SAR1A: variants seen among roughly 807,000 people sequenced by gnomAD.
The protein encoded by SAR1A is small COPII coat GTPase SAR1A.
A neutral mutation model predicts 22.6 loss-of-function variants in SAR1A; 6 were observed. The ratio of observed to expected loss-of-function variants is 0.27; its 90% confidence interval spans 0.15 to 0.52. The LOEUF is 0.52. Among genes scored for constraint, SAR1A ranks in the 20% least tolerant of loss-of-function variants. SAR1A has a pLI of 0.96. For synonymous variants in SAR1A, 70 were observed against 82.2 expected (o/e 0.85, Z 0.80); for missense variants, 145 against 245.1 (o/e 0.59, Z 2.73).
chr10:70,165,037 G>A (rs550356165), intron 1 of SAR1A, among the ~76,000 whole-genome samples: 2 of 152,072 alleles, frequency 1.3e-5, no homozygotes, highest in East Asian at 1.9e-4. Context: ...AGGCCGAGGC[G>A]GGCGGATCAC....
In SAR1A at chr10:70,148,201, C is replaced by T. The variant is rs1442107172; in HGVS notation, c.*4275G>A. 2.0e-5 allele frequency: 3 copies of T among 152,250 alleles called. No homozygotes were observed. The highest frequency in any genetic ancestry group is 7.2e-5 in the African/African-American group (3 of 41,456). The allele number at this position is 152,250 out of a possible 1,614,324, so 9.4% of individuals were successfully genotyped here. ...CCATCATTAATTTTTATTAAGGTTA[C>T]TGTATTGCTTACCATATACAATTGC... On this transcript the variant is annotated 3_prime_UTR_variant, in exon 7 of 7. Transcript: ENST00000373241.
At position 70,147,660 on chromosome 10, in the gene SAR1A, T is replaced by G. The variant is rs1423239198; in HGVS notation, c.*4816A>C. The G allele has an allele frequency of 1.3e-5, 2 of 152,214 alleles. No individual in the cohort carries two copies. The highest frequency in any genetic ancestry group is 2.4e-5 in the African/African-American group (1 of 41,452). 9.4% of individuals were successfully genotyped at this position (152,214 alleles called of 1,614,324 possible). On this transcript the variant is annotated 3_prime_UTR_variant, in exon 7 of 7. Coordinates refer to ENST00000373241, the MANE Select transcript of SAR1A (RefSeq NM_020150.5). ...TACAAACACAGGCAGCAGGCCCGAT[T>G]TGACCCACAAGGCATAGTTTACCAT...
At chr10:70,165,996 C>T (rs1008561439) in intron 1 of SAR1A, among the ~76,000 whole-genome samples, 1 of 152,206 alleles carries the variant, frequency 6.6e-6, no homozygotes. Context: ...AGGTAAGATC[C>T]CCAACCAGCA....
chr10:70,161,548 T>C (rs866664076), intron 3 of SAR1A, 71 bp downstream of exon 3: 31 of 1,561,342 alleles, frequency 2.0e-5, no homozygotes, highest in African/African-American at 6.9e-5. Flanking sequence ...CTCCACCAAC[T>C]AGGGATTCAT....
At chr10:70,161,386 T>C in intron 3 of SAR1A, 1 of 563,654 alleles carries the variant, frequency 1.8e-6, no homozygotes, top group South Asian at 2.4e-5. Context: ...TTCTTAGAAG[T>C]AGGTATAGGA....
At chr10:70,170,316 C>G (rs561338281) in intron 1 of SAR1A, 97 bp downstream of exon 1, 1 of 135,982 alleles carries the variant, frequency 7.4e-6, no homozygotes, top group Non-Finnish European at 1.6e-5. Flanking sequence ...CCCCCCCACC[C>G]AACCCCGCCA....
chr10:70,161,421 G>A (rs1048576830), intron 3 of SAR1A, 198 bp downstream of exon 3: 9 of 625,992 alleles, frequency 1.4e-5, no homozygotes, highest in African/African-American at 1.3e-4. Flanking sequence ...CAGGACCAGT[G>A]ACAACAGATA....
intron 5 of SAR1A, chr10:70,155,240 T>C (rs1001265575): frequency 2.2e-5 from 9 of 409,130 alleles, no homozygotes; most frequent in Admixed American, 8.7e-5. Flanking sequence ...TAGCTTAAGG[T>C]AGAGCATTCA....
chr10:70,161,068 T>C lies in SAR1A; in HGVS notation c.180A>G (p.Thr60=). Residue 60 remains threonine (T), a splice_region_variant and synonymous_variant, in exon 4 of 7, where the codon ACA becomes ACG. Coordinates refer to ENST00000373241, the MANE Select transcript of SAR1A (RefSeq NM_020150.5). ...LGQHVPTLHP[T]SEELTIAGMT... ...TTCCAGCAATTGTTAGCTCTTCTGA[T>C]GCTGAAAAATTGTTTAAAAAGAAGA... 1 of 1,611,206 alleles carries C rather than the reference T, an allele frequency of 6.2e-7. No homozygotes were observed. The highest frequency in any genetic ancestry group is 8.5e-7 in the Non-Finnish European group (1 of 1,178,630).
Position 70,152,440 on chromosome 10 carries a change from G to C in SAR1A, c.*36C>G, listed in dbSNP as rs754397713. On this transcript the variant is annotated 3_prime_UTR_variant, in exon 7 of 7. Transcript: ENST00000373241. ...GGAAGCTGTGAATAGGATCAGTCCAGAGAAGTAAAACTCTTTTATTTTCAC... is the reference window on the plus strand; with the variant it reads ...GGAAGCTGTGAATAGGATCAGTCCACAGAAGTAAAACTCTTTTATTTTCAC... The C allele has an allele frequency of 1.4e-6, 2 of 1,455,888 alleles. No individual in the cohort carries two copies. The highest frequency in any genetic ancestry group is 4.5e-5 in the East Asian group (2 of 44,040). 90.2% of individuals were successfully genotyped at this position (1,455,888 alleles called of 1,614,324 possible).
intron 3 of SAR1A, chr10:70,161,360 C>T: frequency 3.6e-6 from 2 of 550,956 alleles, no homozygotes; most frequent in Non-Finnish European, 6.4e-6. Flanking sequence ...TTCTTTTCTT[C>T]CAAGCTATTT....
At chr10:70,165,743 A>G (rs967605000) in intron 1 of SAR1A, among the ~76,000 whole-genome samples, 21 of 152,256 alleles carry the variant, frequency 1.4e-4, no homozygotes, top group African/African-American at 4.8e-4. Context: ...TTGAGTTTAC[A>G]TAAACTTACT....
chr10:70,163,297 G>C (rs1168320869), intron 1 of SAR1A, among the ~76,000 whole-genome samples: 1 of 152,236 alleles, frequency 6.6e-6, no homozygotes, highest in Admixed American at 6.5e-5. Context: ...AGAAGCTGCA[G>C]CAAGATAACT....
At chr10:70,169,849 A>T (rs1298714323) in intron 1 of SAR1A, among the ~76,000 whole-genome samples, 1 of 152,230 alleles carries the variant, frequency 6.6e-6, no homozygotes, top group Non-Finnish European at 1.5e-5. Flanking sequence ...AAATTTTTCC[A>T]TGCAGAGACC....
At chr10:70,156,374 G>A (rs1173196617) in intron 5 of SAR1A, among the ~76,000 whole-genome samples, 2 of 152,140 alleles carry the variant, frequency 1.3e-5, no homozygotes, top group Admixed American at 6.5e-5. Context: ...TTTAAACAAA[G>A]AGAATGGAGA....
intron 1 of SAR1A, among the ~76,000 whole-genome samples, chr10:70,164,767 T>C (rs1839523439): frequency 6.6e-6 from 1 of 152,236 alleles, no homozygotes; most frequent in South Asian, 2.1e-4. Context: ...CTAAATCTAC[T>C]CTGCCTACCA....
At chr10:70,162,714 C>G (rs1381611360) in intron 1 of SAR1A, 2 of 151,978 alleles carry the variant, frequency 1.3e-5, no homozygotes, top group Non-Finnish European at 2.9e-5. Flanking sequence ...CTTTGTGGAT[C>G]CTGAGGTTTT....
intron 1 of SAR1A, among the ~76,000 whole-genome samples, chr10:70,168,606 GAAAGAAA>G (rs2136725460): frequency 6.6e-6 from 1 of 152,068 alleles, no homozygotes; most frequent in South Asian, 2.1e-4. Flanking sequence ...AAAAAAGAAA[GAAAGAAA>G]AATTTCTAAA....
At chr10:70,157,622 C>T in intron 5 of SAR1A, 142 bp downstream of exon 5, 1 of 581,642 alleles carries the variant, frequency 1.7e-6, no homozygotes. Flanking sequence ...AAAACATTTT[C>T]CTCCTGCAAC....
Sources: gnomAD v4.1 joint callset for allele counts (sites outside exome capture counted in the v4.1 genomes callset) on GRCh38, gnomAD v4.1.1 for gene constraint, MANE v1.5 for transcripts, NCBI Gene and HGNC (gene_info 2026-07-23, HGNC 2026-07-21) for gene names.